The following CHCHD6 variants were observed in gnomAD, a reference collection of about 807,000 sequenced individuals.
CHCHD6 encodes the protein coiled-coil-helix-coiled-coil-helix domain containing 6.
A neutral mutation model predicts 32.3 loss-of-function variants in CHCHD6; 28 were observed. The ratio of observed to expected loss-of-function variants is 0.87; its 90% CI spans 0.64 to 1.19. CHCHD6 has a LOEUF of 1.19. Ranked by LOEUF, CHCHD6 falls within the 50% of genes most tolerant of loss-of-function variation. The pLI is 0.00. For synonymous variants in CHCHD6, 122 were observed against 117.5 expected, an observed-to-expected ratio of 1.04 and a Z score of -0.25; for missense variants, 333 against 307.0, an observed-to-expected ratio of 1.08 and a Z score of -0.63.
At chr3:126,926,278 A>T (rs1323063575) in intron 6 of CHCHD6, among the ~76,000 whole-genome samples, 1 of 152,230 alleles carries the variant, frequency 6.6e-6, no homozygotes, top group Non-Finnish European at 1.5e-5. Flanking sequence ...ATTTTGCTAG[A>T]TGATAGGCTC....
chr3:126,835,686 G>A (rs1033147495), intron 4 of CHCHD6, among the ~76,000 whole-genome samples: 1 of 152,224 alleles, frequency 6.6e-6, no homozygotes, highest in Non-Finnish European at 1.5e-5. Flanking sequence ...AGGCAGCAGA[G>A]CTGAATCACT....
intron 5 of CHCHD6, chr3:126,855,081 C>T (rs1941614295): frequency 6.6e-6 from 1 of 152,220 alleles, no homozygotes; most frequent in Admixed American, 6.5e-5. Flanking sequence ...GGCTCCTGTG[C>T]TTTATAATCC....
chr3:126,764,202 T>TGC (rs1423067133), intron 4 of CHCHD6, among the ~76,000 whole-genome samples: 4 of 101,044 alleles, frequency 4.0e-5, no homozygotes, highest in Admixed American at 3.1e-4. Flanking sequence ...CATACATGCA[T>TGC]ATATATATAT....
intron 5 of CHCHD6, among the ~76,000 whole-genome samples, chr3:126,892,695 T>C (rs972082857): frequency 1.3e-5 from 2 of 152,206 alleles, no homozygotes; most frequent in African/African-American, 4.8e-5. Context: ...CTCATTTCCA[T>C]ATGAGACATG....
chr3:126,747,708 C>T (rs1936560768), intron 4 of CHCHD6, among the ~76,000 whole-genome samples: 1 of 152,188 alleles, frequency 6.6e-6, no homozygotes, highest in Non-Finnish European at 1.5e-5. Flanking sequence ...TGACATGTCT[C>T]CCTGCCCACA....
chr3:126,732,624 TC>T (rs1935861394), intron 3 of CHCHD6, among the ~76,000 whole-genome samples: 1 of 152,258 alleles, frequency 6.6e-6, no homozygotes, highest in Non-Finnish European at 1.5e-5. Flanking sequence ...TTTTTTATTC[TC>T]TATAGGATTA....
At chr3:126,951,721 C>T (rs2078717927) in intron 6 of CHCHD6, among the ~76,000 whole-genome samples, 1 of 152,190 alleles carries the variant, frequency 6.6e-6, no homozygotes, top group African/African-American at 2.4e-5. Flanking sequence ...TGGGGATGGG[C>T]TGGGGACACA....
intron 4 of CHCHD6, among the ~76,000 whole-genome samples, chr3:126,741,918 G>A (rs542464476): frequency 6.6e-6 from 1 of 152,282 alleles, no homozygotes; most frequent in East Asian, 1.9e-4. Context: ...GATTCTGATC[G>A]CTTCCCCTGC....
At chr3:126,950,612 G>A (rs1410912602) in intron 6 of CHCHD6, among the ~76,000 whole-genome samples, 2 of 152,166 alleles carry the variant, frequency 1.3e-5, no homozygotes, top group African/African-American at 2.4e-5. Flanking sequence ...CACCATGCCT[G>A]GCTAATTTGT....
rs545630143 is a variant in CHCHD6, at chr3:126,733,170, T to G, written c.359T>G (p.Leu120Arg). ...GCCACCAAGCACTCCAAGGCATCCC[T>G]GCCCACGGGCGAAGGCAGCATCAGC... ...EAATKHSKAS[L>R]PTGEGSISHE... The change falls in exon 4 of 8, where the codon CTG (leucine) becomes CGG (arginine). Residue 120 changes from leucine (L) to arginine (R), a missense_variant. Leu to Arg is a moderately radical substitution (Grantham distance 102, BLOSUM62 -2). Transcript: ENST00000290913. The G allele has an allele frequency of 1.1e-5, 17 of 1,614,198 alleles. No individual in the cohort carries two copies. In the East Asian group the frequency reaches 3.6e-4, roughly 34 times the overall value.
At chr3:126,944,414 T>G (rs141743999) in intron 6 of CHCHD6, among the ~76,000 whole-genome samples, 1 of 152,402 alleles carries the variant, frequency 6.6e-6, no homozygotes, top group Non-Finnish European at 1.5e-5. Flanking sequence ...ATAGAATATC[T>G]GCTTCCTGCA....
At chr3:126,758,789 G>A (rs1300648165) in intron 4 of CHCHD6, among the ~76,000 whole-genome samples, 2 of 152,134 alleles carry the variant, frequency 1.3e-5, no homozygotes, top group African/African-American at 2.4e-5. Context: ...GTCTGAGACC[G>A]CCCTGTGTCC....
intron 4 of CHCHD6, among the ~76,000 whole-genome samples, chr3:126,814,775 T>G (rs1039256062): frequency 4.6e-5 from 7 of 152,108 alleles, no homozygotes; most frequent in Non-Finnish European, 1.0e-4. Context: ...TCCATCAAAT[T>G]AATCAAACCC....
chr3:126,824,560 CAAAAAA>C (rs71150454), intron 4 of CHCHD6, among the ~76,000 whole-genome samples: 3 of 39,998 alleles, frequency 7.5e-5, no homozygotes, highest in Admixed American at 3.1e-4. Context: ...GACTCTGTCT[CAAAAAA>C]AAAAAAAAAA....
intron 6 of CHCHD6, among the ~76,000 whole-genome samples, chr3:126,954,822 G>A (rs1177383913): frequency 1.3e-5 from 2 of 152,222 alleles, no homozygotes; most frequent in Admixed American, 6.5e-5. Context: ...GCAAGAGGCT[G>A]GTATGAGGGG....
chr3:126,875,250 G>C (rs1313465913), intron 5 of CHCHD6, among the ~76,000 whole-genome samples: 2 of 152,236 alleles, frequency 1.3e-5, no homozygotes, highest in Non-Finnish European at 2.9e-5. Context: ...CTGTGGGGAA[G>C]TACCCACCCT....
rs371218644 is a variant in CHCHD6 at position 126,952,901 on chromosome 3, G to C, written c.567-4515G>C. ...TCTGGGAGTCAGGCAGACCTATGCG[G>C]CCTGCTTGCCAGGGACCAGGACCCA... On this transcript the variant is annotated intron_variant, in intron 6 of 7. Coordinates refer to ENST00000290913, the MANE Select transcript of CHCHD6 (RefSeq NM_032343.3). 1.9e-4 allele frequency: 174 copies of C among 911,932 alleles called. 2 individuals carry two copies. The highest frequency in any genetic ancestry group is 1.3e-3 in the African/African-American group (75 of 55,782). The allele number at this position is 911,932 out of a possible 1,614,324, so 56.5% of individuals were successfully genotyped here.
intron 1 of CHCHD6, among the ~76,000 whole-genome samples, chr3:126,715,670 G>A (rs576606327): frequency 6.6e-6 from 1 of 152,202 alleles, no homozygotes; most frequent in South Asian, 2.1e-4. Context: ...CAATAATGTG[G>A]CTCAATAATG....
At chr3:126,814,975 A>G (rs1939815155) in intron 4 of CHCHD6, among the ~76,000 whole-genome samples, 1 of 152,216 alleles carries the variant, frequency 6.6e-6, no homozygotes, top group African/African-American at 2.4e-5. Flanking sequence ...ATACCCAGCT[A>G]GCGTCTGCTG....
Sources: allele counts gnomAD v4.1 joint callset (sites outside exome capture counted in the v4.1 genomes callset), GRCh38; gene constraint gnomAD v4.1.1; transcripts MANE v1.5; gene names NCBI Gene and HGNC (gene_info 2026-07-23, HGNC 2026-07-21).